The following TRIM22 variants were observed in gnomAD, a reference collection of about 807,000 sequenced individuals.
TRIM22 encodes the protein tripartite motif containing 22, also known as E3 ubiquitin-protein ligase TRIM22.
In TRIM22, 45 loss-of-function variants were observed where a neutral mutation model predicts 53.6. That is an observed-to-expected ratio of 0.84 (90% CI 0.66 to 1.08). The LOEUF is 1.08. Ranked by LOEUF, TRIM22 falls within the 50% of genes least tolerant of loss-of-function variation. TRIM22 has a pLI of 0.00. For missense variants in TRIM22, 616 were observed against 590.9 expected, an observed-to-expected ratio of 1.04 and a Z score of -0.44; for synonymous variants, 225 against 216.6, an observed-to-expected ratio of 1.04 and a Z score of -0.34.
chr11:5,703,690 A>ATT (rs34863859), intron 4 of TRIM22, among the ~76,000 whole-genome samples: 4 of 151,632 alleles, frequency 2.6e-5, no homozygotes, highest in Admixed American at 6.6e-5. Flanking sequence ...CGGAAATTTT[A>ATT]TTTTTTTTAT....
At chr11:5,693,508 C>G (rs1342540503) in intron 1 of TRIM22, among the ~76,000 whole-genome samples, 4 of 151,682 alleles carry the variant, frequency 2.6e-5, no homozygotes, top group Admixed American at 2.0e-4. Context: ...ATCATGAGGT[C>G]CGGAGATCGA....
chr11:5,703,303 T>C (rs945387735), intron 4 of TRIM22, among the ~76,000 whole-genome samples: 7 of 152,220 alleles, frequency 4.6e-5, no homozygotes, highest in African/African-American at 1.7e-4. Context: ...CAGTGCTTGA[T>C]TTTCAGTTCC....
rs374977863 is a variant in TRIM22 at position 5,706,605 on chromosome 11, C to T, written c.762C>T (p.Asp254=). 40 of 1,612,048 alleles carry T rather than the reference C, an allele frequency of 2.5e-5. No homozygotes were observed. The African/African-American group carries it at 3.3e-4, about 13-fold the overall frequency. The part of the protein sequence containing the change: ...SSVEMLQDVI[D]VMKRSESWTL... ...TATCTTTTCCCCAGGATGTGATTGA[C>T]GTCATGAAAAGGTATATGTGGAAGA... Residue 254 remains aspartate, a synonymous_variant, in exon 5 of 8, where the codon GAC becomes GAT. Coordinates refer to ENST00000379965, the MANE Select transcript of TRIM22 (RefSeq NM_006074.5).
chr11:5,691,874 C>T (rs956415735), intron 1 of TRIM22, among the ~76,000 whole-genome samples: 13 of 152,066 alleles, frequency 8.5e-5, no homozygotes, highest in African/African-American at 1.7e-4. Context: ...GTGTCTGTAC[C>T]GCACATCTTG....
At chr11:5,695,679 T>A (rs73402283) in intron 1 of TRIM22, among the ~76,000 whole-genome samples, 13,357 of 152,164 alleles carry the variant, frequency 0.088, 644 homozygotes, top group African/African-American at 0.096. Context: ...TGATGTTTGA[T>A]GCAGTGTTTG....
At position 5,696,148 on chromosome 11, in the gene TRIM22, TC is replaced by T; in HGVS notation, c.-66-15del. ...TTCTATTCCTTCTTTTCTTACCCTGTCCCCTTCAACATTCTCAGCACTGCAG... is the reference window on the plus strand; with the variant it reads ...TTCTATTCCTTCTTTTCTTACCCTGTCCCTTCAACATTCTCAGCACTGCAG... On this transcript the variant is annotated intron_variant, in intron 1 of 7. Transcript: ENST00000379965. The T allele has an allele frequency of 7.9e-7, 1 of 1,261,468 alleles. No homozygotes were observed. Among genetic ancestry groups the T allele is most frequent in the Non-Finnish European group, 1.1e-6 (1 of 901,638 alleles). 78.1% of individuals were successfully genotyped at this position (1,261,468 alleles called of 1,614,324 possible). A position where few individuals can be genotyped will look rare whatever the true frequency, so the allele number is the denominator to read the frequency against.
chr11:5,697,144 T>C (rs749192297), intron 2 of TRIM22, 104 bp from the exon 3 acceptor site: 49 of 806,220 alleles, frequency 6.1e-5, no homozygotes, highest in Non-Finnish European at 9.3e-5. Context: ...ACTGTTTCTG[T>C]AAACTAGTTT....
rs577824873 is a variant in TRIM22, at chr11:5,693,092, G to A, written c.-66-3075G>A. ...AGTAGATACGGGGTCTCACCATAGTGGCCAGGCTGGCCTCAAACTCCTGAC... is the reference window on the plus strand; with the variant it reads ...AGTAGATACGGGGTCTCACCATAGTAGCCAGGCTGGCCTCAAACTCCTGAC... On this transcript the variant is annotated intron_variant, in intron 1 of 7. Coordinates refer to ENST00000379965, the MANE Select transcript of TRIM22 (RefSeq NM_006074.5). Among the ~76,000 whole-genome samples, 58 of 151,364 alleles carry A rather than the reference G, an allele frequency of 3.8e-4. 1 individual carries two copies. The South Asian group carries it at 0.011, about 29-fold the overall frequency.
chr11:5,709,597 C>T lies in TRIM22; in HGVS notation c.1446C>T (p.Phe482=). The change falls in exon 8 of 8, where the codon TTC becomes TTT. Residue 482 remains phenylalanine (F), a synonymous_variant. Coordinates refer to ENST00000379965, the MANE Select transcript of TRIM22 (RefSeq NM_006074.5). ...CRFSRPAYPY[F]NPWNCLVPMT... is the part of the protein sequence containing the mutation. ...TTTCTCGACCTGCTTATCCGTATTT[C>T]AATCCTTGGAACTGCCTAGTCCCCA... 6.2e-7 allele frequency: 1 copy of T among 1,612,328 alleles called. No individual in the cohort carries two copies. Among genetic ancestry groups the T allele is most frequent in the Non-Finnish European group, 8.5e-7 (1 of 1,180,026 alleles).
intron 1 of TRIM22, among the ~76,000 whole-genome samples, chr11:5,693,936 C>G (rs1391145375): frequency 6.6e-6 from 1 of 152,066 alleles, no homozygotes; most frequent in Non-Finnish European, 1.5e-5. Flanking sequence ...TGGTCCATGC[C>G]TCTCTTCTAG....
chr11:5,698,600 C>A, intron 4 of TRIM22, 55 bp downstream of exon 4: 2 of 1,431,148 alleles, frequency 1.4e-6, no homozygotes, highest in Non-Finnish European at 1.9e-6. Context: ...ACACAGAGGC[C>A]GATTTTCCTT....
chr11:5,703,155 T>G (rs1412006225), intron 4 of TRIM22, among the ~76,000 whole-genome samples: 1 of 152,224 alleles, frequency 6.6e-6, no homozygotes, highest in Non-Finnish European at 1.5e-5. Flanking sequence ...ACCCAGGTAA[T>G]GAGCATATTA....
At chr11:5,695,732 A>T (rs554184944) in intron 1 of TRIM22, among the ~76,000 whole-genome samples, 3 of 152,330 alleles carry the variant, frequency 2.0e-5, no homozygotes, top group Non-Finnish European at 4.4e-5. Flanking sequence ...ATATGCAAAT[A>T]TTCATGAATC....
At chr11:5,708,049 A>G in intron 5 of TRIM22, 124 bp from the exon 6 acceptor site, 1 of 714,092 alleles carries the variant, frequency 1.4e-6, no homozygotes, top group Non-Finnish European at 2.4e-6. Context: ...TCTCCCCTCT[A>G]CTGTCCTCAG....
intron 1 of TRIM22, among the ~76,000 whole-genome samples, chr11:5,691,609 C>A (rs934778760): frequency 6.6e-6 from 1 of 152,148 alleles, no homozygotes; most frequent in Non-Finnish European, 1.5e-5. Flanking sequence ...TCTGTAGCAC[C>A]CAATGAACCT....
chr11:5,701,870 G>A (rs891501165), intron 4 of TRIM22, among the ~76,000 whole-genome samples: 3 of 151,958 alleles, frequency 2.0e-5, no homozygotes, highest in Admixed American at 6.6e-5. Context: ...GTGCTGCTAC[G>A]TTGTTAGAGC....
At chr11:5,702,232 TATATA>T (rs1469613861) in intron 4 of TRIM22, among the ~76,000 whole-genome samples, 1 of 144,942 alleles carries the variant, frequency 6.9e-6, no homozygotes, top group African/African-American at 2.5e-5. Context: ...ACATAACTAA[TATATA>T]TTATATTATA....
chr11:5,710,748 A>G lies in TRIM22; in HGVS notation c.*1100A>G, dbSNP rs1018498204. 2 of 152,216 alleles carry G rather than the reference A, an allele frequency of 1.3e-5. No homozygotes were observed. Among genetic ancestry groups the G allele is most frequent in the Non-Finnish European group, 2.9e-5 (2 of 68,050 alleles). The allele number at this position is 152,216 out of a possible 1,614,324, so 9.4% of individuals were successfully genotyped here. A position where few individuals can be genotyped will look rare whatever the true frequency, so the allele number is the denominator to read the frequency against. On this transcript the variant is annotated 3_prime_UTR_variant, in exon 8 of 8. Coordinates refer to ENST00000379965, the MANE Select transcript of TRIM22 (RefSeq NM_006074.5). ...TTTTCTATGAATTTTAAATATAAAA[A>G]TAAATATTGTTCTGATTATTACTGA...
intron 1 of TRIM22, among the ~76,000 whole-genome samples, chr11:5,694,051 TC>T (rs1370856373): frequency 6.6e-6 from 1 of 152,216 alleles, no homozygotes; most frequent in Non-Finnish European, 1.5e-5. Context: ...TGTATAAATG[TC>T]CCTTTTTGAT....
Sources: gnomAD v4.1 joint callset for allele counts (sites outside exome capture counted in the v4.1 genomes callset) on GRCh38, gnomAD v4.1.1 for gene constraint, MANE v1.5 for transcripts, NCBI Gene and HGNC (gene_info 2026-07-23, HGNC 2026-07-21) for gene names.